The following NEGR1 variants were observed in gnomAD, a reference collection of about 807,000 sequenced individuals.
NEGR1 encodes the protein neuronal growth regulator 1, also known as IgLON family member 4.
In NEGR1, 10 loss-of-function variants were observed where a neutral mutation model predicts 40.9. The observed-to-expected ratio is 0.24, with a 90% CI of 0.15 to 0.42. The LOEUF (loss-of-function observed/expected upper bound fraction) is 0.42. Ranked by LOEUF, NEGR1 falls within the 10% of genes least tolerant of loss-of-function variation. The probability of loss-of-function intolerance (pLI) is 1.00; values close to 1 mark genes in which losing one functional copy is unlikely to be tolerated. For synonymous variants in NEGR1, 185 were observed against 166.8 expected (o/e 1.11, Z -0.84); for missense variants, 352 against 438.9 (o/e 0.80, Z 1.77).
chr1:71,412,680 GT>G (rs1365539054), intron 6 of NEGR1, among the ~76,000 whole-genome samples: 1 of 152,070 alleles, frequency 6.6e-6, no homozygotes, highest in African/African-American at 2.4e-5. Flanking sequence ...TAATGAAATT[GT>G]TCTATTTCTT....
intron 1 of NEGR1, among the ~76,000 whole-genome samples, chr1:72,230,557 A>C (rs1654330685): frequency 6.6e-6 from 1 of 152,144 alleles, no homozygotes; most frequent in Non-Finnish European, 1.5e-5. Context: ...TATGCCCTTT[A>C]GCTAGTCCTT....
intron 1 of NEGR1, among the ~76,000 whole-genome samples, chr1:71,977,799 A>G (rs1646319383): frequency 1.3e-5 from 2 of 149,102 alleles, no homozygotes; most frequent in Admixed American, 1.3e-4. Flanking sequence ...AGGAACCCCA[A>G]CAAAGAGACT....
intron 3 of NEGR1, among the ~76,000 whole-genome samples, chr1:71,750,406 A>G (rs1457340550): frequency 6.6e-6 from 1 of 152,184 alleles, no homozygotes; most frequent in Non-Finnish European, 1.5e-5. Flanking sequence ...CAGAAAGTAT[A>G]TATGTATTAG....
intron 1 of NEGR1, among the ~76,000 whole-genome samples, chr1:72,133,103 A>C (rs1349161583): frequency 6.6e-6 from 1 of 152,148 alleles, no homozygotes; most frequent in Non-Finnish European, 1.5e-5. Flanking sequence ...TTTAAGAATA[A>C]AGACTTATAA....
chr1:72,214,789 T>A (rs1653737319), intron 1 of NEGR1, among the ~76,000 whole-genome samples: 1 of 151,682 alleles, frequency 6.6e-6, no homozygotes, highest in Admixed American at 6.6e-5. Context: ...CTGCCCAAAG[T>A]AATTTATAGA....
intron 1 of NEGR1, among the ~76,000 whole-genome samples, chr1:71,947,089 TACACACACACACACACAC>T (rs3078155): frequency 2.6e-4 from 33 of 129,148 alleles, no homozygotes; most frequent in Non-Finnish European, 3.5e-4. Flanking sequence ...TCCTGTCTCA[TACACACACACACACACAC>T]ACACACACAC....
intron 6 of NEGR1, among the ~76,000 whole-genome samples, chr1:71,523,334 A>G (rs1352860699): frequency 2.0e-5 from 3 of 151,870 alleles, no homozygotes; most frequent in Admixed American, 1.3e-4. Context: ...TGAAATATTT[A>G]CTGAATTTCT....
intron 1 of NEGR1, among the ~76,000 whole-genome samples, chr1:72,034,048 C>A (rs1350353716): frequency 1.3e-5 from 2 of 152,176 alleles, no homozygotes; most frequent in African/African-American, 4.8e-5. Flanking sequence ...GCAGGTATTT[C>A]AGGAAGGTGA....
chr1:71,847,219 T>C (rs953953079), intron 2 of NEGR1, among the ~76,000 whole-genome samples: 6 of 152,176 alleles, frequency 3.9e-5, no homozygotes, highest in Admixed American at 3.3e-4. Context: ...AGATGAACTG[T>C]TCAGACTGTT....
intron 2 of NEGR1, among the ~76,000 whole-genome samples, chr1:71,923,480 G>C (rs114688158): frequency 0.022 from 3,414 of 152,222 alleles, 58 homozygotes; most frequent in Non-Finnish European, 0.038. Flanking sequence ...TTATTTTAGA[G>C]TGTGTATATG....
chr1:71,830,500 G>A (rs1407453990), intron 2 of NEGR1, among the ~76,000 whole-genome samples: 5 of 151,530 alleles, frequency 3.3e-5, no homozygotes, highest in Non-Finnish European at 7.4e-5. Context: ...CCTACAAATG[G>A]TACCTTGTTG....
At chr1:72,140,083 C>G (rs1205835724) in intron 1 of NEGR1, among the ~76,000 whole-genome samples, 1 of 152,012 alleles carries the variant, frequency 6.6e-6, no homozygotes, top group Non-Finnish European at 1.5e-5. Flanking sequence ...ACCTCTAGTT[C>G]TCATGAAACT....
intron 6 of NEGR1, chr1:71,484,718 T>C (rs1273494110): frequency 6.6e-6 from 1 of 151,748 alleles, no homozygotes; most frequent in African/African-American, 2.4e-5. Context: ...TTCCATGCTT[T>C]TGTGGCTGAG....
chr1:72,245,110 G>T (rs994939595), intron 1 of NEGR1, among the ~76,000 whole-genome samples: 30 of 151,954 alleles, frequency 2.0e-4, no homozygotes, highest in African/African-American at 7.0e-4. Context: ...TAAAATTTTT[G>T]CTGCTCTTTA....
At chr1:72,249,867 CAT>C (rs1334085533) in intron 1 of NEGR1, among the ~76,000 whole-genome samples, 4 of 152,142 alleles carry the variant, frequency 2.6e-5, no homozygotes, top group South Asian at 2.1e-4. Flanking sequence ...TTATTTTGCA[CAT>C]GACTCATTTT....
rs867759944 is a variant in NEGR1 at position 71,535,173 on chromosome 1, G to T, written c.940+57644C>A. Reference sequence around the variant, plus strand: ...TAGAAGTTTAATCAGAATATTTATTGATGGGAAAACTAAATTTAATGGGAC... The same window carrying T: ...TAGAAGTTTAATCAGAATATTTATTTATGGGAAAACTAAATTTAATGGGAC... On this transcript the variant is annotated intron_variant, in intron 6 of 6. Coordinates refer to ENST00000357731, the MANE Select transcript of NEGR1 (RefSeq NM_173808.3). Among the ~76,000 whole-genome samples, 6 of 151,644 alleles carry T rather than the reference G, an allele frequency of 4.0e-5. No homozygotes were observed. In the South Asian group the frequency reaches 1.2e-3, roughly 31 times the overall value.
chr1:71,519,965 A>T (rs1647143691), intron 6 of NEGR1, among the ~76,000 whole-genome samples: 1 of 152,052 alleles, frequency 6.6e-6, no homozygotes, highest in Admixed American at 6.6e-5. Flanking sequence ...GGTCTTTTAA[A>T]AAATATCTAG....
At chr1:71,574,962 A>T (rs1384427757) in intron 6 of NEGR1, among the ~76,000 whole-genome samples, 1 of 152,152 alleles carries the variant, frequency 6.6e-6, no homozygotes, top group Non-Finnish European at 1.5e-5. Context: ...TCTTTAGGAG[A>T]ACAACTATTT....
chr1:72,011,217 A>G (rs1646654467), intron 1 of NEGR1, among the ~76,000 whole-genome samples: 1 of 152,110 alleles, frequency 6.6e-6, no homozygotes. Flanking sequence ...CTTAGGGAGA[A>G]CATAAGAATT....
Sources: gnomAD v4.1 joint callset for allele counts (sites outside exome capture counted in the v4.1 genomes callset) on GRCh38, gnomAD v4.1.1 for gene constraint, MANE v1.5 for transcripts, NCBI Gene and HGNC (gene_info 2026-07-23, HGNC 2026-07-21) for gene names.